Variants in FAT3 observed in about 807,000 individuals in gnomAD.
The protein encoded by FAT3 is protocadherin Fat 3.
In FAT3, 95 loss-of-function variants were observed where a neutral mutation model predicts 310.2. The ratio of observed to expected loss-of-function variants is 0.31; its 90% confidence interval spans 0.26 to 0.36. FAT3 has a LOEUF of 0.36. Among genes scored for constraint, FAT3 ranks in the 10% least tolerant of loss-of-function variants. The probability of loss-of-function intolerance (pLI) is 1.00; values close to 1 mark genes in which losing one functional copy is unlikely to be tolerated. For synonymous variants in FAT3, 2,314 were observed against 2,192.9 expected (o/e 1.06, Z -1.54); for missense variants, 5,408 against 5,715.6 (o/e 0.95, Z 1.74).
intron 10 of FAT3, among the ~76,000 whole-genome samples, 173 bp from the exon 11 acceptor site, chr11:92,804,980 A>C (rs143061690): frequency 0.016 from 2,420 of 152,306 alleles, 75 homozygotes; most frequent in African/African-American, 0.055. Context: ...CAAGCATATA[A>C]ATATCATGCT....
intron 6 of FAT3, among the ~76,000 whole-genome samples, chr11:92,765,828 G>A (rs1457738733): frequency 6.6e-6 from 1 of 151,664 alleles, no homozygotes; most frequent in East Asian, 1.9e-4. Flanking sequence ...TTGCTTTTGA[G>A]GTATGTGGGC....
chr11:92,435,390 TATG>T (rs1292108606), intron 2 of FAT3, among the ~76,000 whole-genome samples: 3 of 152,158 alleles, frequency 2.0e-5, no homozygotes, highest in Non-Finnish European at 4.4e-5. Flanking sequence ...CTAGAGGTGA[TATG>T]ATAATACAGC....
chr11:92,509,990 C>G (rs1463612105), intron 2 of FAT3, among the ~76,000 whole-genome samples: 1 of 152,060 alleles, frequency 6.6e-6, no homozygotes, highest in Non-Finnish European at 1.5e-5. Context: ...TCAAAAGATT[C>G]ATCTATCTTC....
At chr11:92,448,010 A>C (rs1366002900) in intron 2 of FAT3, among the ~76,000 whole-genome samples, 2 of 152,112 alleles carry the variant, frequency 1.3e-5, no homozygotes, top group Admixed American at 6.6e-5. Flanking sequence ...TGGCAGAGTG[A>C]AGTCACTCTG....
intron 2 of FAT3, among the ~76,000 whole-genome samples, chr11:92,369,323 G>T (rs536858234): frequency 6.6e-6 from 1 of 152,166 alleles, no homozygotes; most frequent in Non-Finnish European, 1.5e-5. Context: ...TAATGTTATT[G>T]CAGGAAGTGT....
intron 3 of FAT3, among the ~76,000 whole-genome samples, chr11:92,689,719 G>A (rs1943742312): frequency 6.6e-6 from 1 of 152,132 alleles, no homozygotes; most frequent in Middle Eastern, 3.2e-3. Context: ...AGCATCTCTG[G>A]TTCTAACTGT....
At chr11:92,394,107 T>C (rs1014038825) in intron 2 of FAT3, among the ~76,000 whole-genome samples, 7 of 152,148 alleles carry the variant, frequency 4.6e-5, no homozygotes, top group Non-Finnish European at 1.0e-4. Flanking sequence ...AAGGAAAGAA[T>C]AACATTGGCA....
chr11:92,668,264 C>A (rs148997754), intron 3 of FAT3, among the ~76,000 whole-genome samples: 107 of 152,332 alleles, frequency 7.0e-4, no homozygotes, highest in African/African-American at 2.4e-3. Flanking sequence ...GGGCTCAATT[C>A]TGTTACAGCA....
intron 13 of FAT3, among the ~76,000 whole-genome samples, chr11:92,818,220 C>G (rs957805685): frequency 1.3e-5 from 2 of 152,092 alleles, no homozygotes; most frequent in East Asian, 3.9e-4. Flanking sequence ...AATATACATT[C>G]AGCATTTACT....
chr11:92,789,419 G>A (rs1274590083), intron 7 of FAT3, among the ~76,000 whole-genome samples: 3 of 152,080 alleles, frequency 2.0e-5, no homozygotes, highest in Middle Eastern at 3.4e-3. Context: ...TATCATTAGC[G>A]CCACGTTCTT....
In FAT3 at chr11:92,354,815, T is replaced by G; in HGVS notation, c.2703T>G (p.Ser901=). The G allele has an allele frequency of 6.2e-7, 1 of 1,613,916 alleles. No homozygotes were observed. The highest frequency in any genetic ancestry group is 1.3e-5 in the African/African-American group (1 of 75,048). The change falls in exon 2 of 28, where the codon TCT becomes TCG. Residue 901 remains serine, a synonymous_variant. Coordinates refer to ENST00000525166, the MANE Select transcript of FAT3 (RefSeq NM_001367949.2). ...ACCGGGAATCCAAAGCCAATTATTC[T>G]TTGAAAATAGAAGCCAGGGACAAGG... ...QLDRESKANY[S]LKIEARDKAE...
intron 1 of FAT3, among the ~76,000 whole-genome samples, chr11:92,345,081 T>A (rs946934920): frequency 2.0e-5 from 3 of 152,172 alleles, no homozygotes; most frequent in Admixed American, 2.0e-4. Context: ...TAGTGTGTCA[T>A]GGAACACAGT....
chr11:92,658,436 A>T (rs1159665822), intron 3 of FAT3, among the ~76,000 whole-genome samples: 1 of 152,196 alleles, frequency 6.6e-6, no homozygotes, highest in Non-Finnish European at 1.5e-5. Context: ...ACTCAGCATC[A>T]TTCACAGCAT....
At chr11:92,502,173 A>T (rs956859906) in intron 2 of FAT3, among the ~76,000 whole-genome samples, 3 of 152,110 alleles carry the variant, frequency 2.0e-5, no homozygotes, top group Non-Finnish European at 2.9e-5. Flanking sequence ...AGGGATAAAC[A>T]TAAATCTTTC....
At chr11:92,886,611 C>G (rs548487465) in intron 24 of FAT3, among the ~76,000 whole-genome samples, 1 of 152,328 alleles carries the variant, frequency 6.6e-6, no homozygotes, top group Admixed American at 6.5e-5. Context: ...TAAAAGTTAT[C>G]TCATTTAACC....
At chr11:92,673,361 AC>A (rs1483568066) in intron 3 of FAT3, among the ~76,000 whole-genome samples, 1 of 152,224 alleles carries the variant, frequency 6.6e-6, no homozygotes, top group African/African-American at 2.4e-5. Context: ...TATTCATCCA[AC>A]GAAACTCTAT....
At chr11:92,264,892 G>T (rs1945890767) in intron 1 of FAT3, among the ~76,000 whole-genome samples, 1 of 151,966 alleles carries the variant, frequency 6.6e-6, no homozygotes, top group Non-Finnish European at 1.5e-5. Context: ...TTTCACCTTG[G>T]ATTTGAAATC....
intron 14 of FAT3, among the ~76,000 whole-genome samples, chr11:92,833,396 C>T (rs1049147936): frequency 6.6e-6 from 1 of 152,120 alleles, no homozygotes; most frequent in African/African-American, 2.4e-5. Flanking sequence ...TAAATATAAA[C>T]AAGAAATCAT....
chr11:92,309,413 CA>C (rs1947234352), intron 1 of FAT3, among the ~76,000 whole-genome samples: 1 of 141,830 alleles, frequency 7.1e-6, no homozygotes. Flanking sequence ...CACACACACA[CA>C]CACACTTTTC....
Sources: gnomAD v4.1 joint callset for allele counts (sites outside exome capture counted in the v4.1 genomes callset) on GRCh38, gnomAD v4.1.1 for gene constraint, MANE v1.5 for transcripts, NCBI Gene and HGNC (gene_info 2026-07-23, HGNC 2026-07-21) for gene names.